Variants in ARHGEF17 observed in about 807,000 individuals in gnomAD.
The protein encoded by ARHGEF17 is 164 kDa Rho-specific guanine-nucleotide exchange factor.
ARHGEF17 carries 80 observed loss-of-function variants against 174.0 expected under a neutral mutation model. The ratio of observed to expected loss-of-function variants is 0.46; its 90% confidence interval spans 0.38 to 0.55. The LOEUF (loss-of-function observed/expected upper bound fraction) is 0.55, where lower values mean the gene tolerates loss of function less well. ARHGEF17 is among the 20% of genes least tolerant of loss of function. The pLI is 0.00. For synonymous variants in ARHGEF17, 1,311 were observed against 1,189.1 expected (o/e 1.10, Z -2.11); for missense variants, 2,886 against 2,839.7 (o/e 1.02, Z -0.37).
chr11:73,308,679 T>C lies in ARHGEF17; in HGVS notation c.41T>C (p.Val14Ala), dbSNP rs779301764. Residue 14 changes from valine (V) to alanine (A), a missense_variant, in exon 1 of 21, where the codon GTC becomes GCC. Transcript: ENST00000263674. ...CCCCGGCCCCAGCTTTACCGCAGCG[T>C]CTCGTTCAAGCTGCTGGAGCGCTGG... ...GAPRPQLYRS[V>A]SFKLLERWSG... 1.3e-6 allele frequency: 2 copies of C among 1,519,704 alleles called. No individual in the cohort carries two copies. Among genetic ancestry groups the C allele is most frequent in the Non-Finnish European group, 1.8e-6 (2 of 1,136,944 alleles). 94.1% of individuals were successfully genotyped at this position (1,519,704 alleles called of 1,614,324 possible).
chr11:73,355,084 A>C (rs1865614248), intron 3 of ARHGEF17, among the ~76,000 whole-genome samples: 1 of 152,172 alleles, frequency 6.6e-6, no homozygotes, highest in Middle Eastern at 3.2e-3. Flanking sequence ...AGGCGGGGCG[A>C]GATTTGGATG....
chr11:73,365,246 G>A lies in ARHGEF17; in HGVS notation c.5551-144G>A. 1.1e-5 allele frequency: 10 copies of A among 882,076 alleles called. No individual in the cohort carries two copies. Among genetic ancestry groups the A allele is most frequent in the Non-Finnish European group, 1.7e-5 (10 of 580,106 alleles). 54.6% of individuals were successfully genotyped at this position (882,076 alleles called of 1,614,324 possible). On this transcript the variant is annotated intron_variant, in intron 18 of 20. Transcript: ENST00000263674. The surrounding 1 kb of genome is among the most constrained non-coding windows in gnomAD (Gnocchi z 4.9). ...GAGAACTAAGTTGGGAGGTGCTGGT[G>A]AAACCAAGCTTCGAAAGGTTAATCA...
intron 1 of ARHGEF17, among the ~76,000 whole-genome samples, chr11:73,318,500 A>C (rs1864964870): frequency 6.6e-6 from 1 of 152,080 alleles, no homozygotes. Flanking sequence ...GTGTGGTGGC[A>C]CAGACCTGTG....
chr11:73,361,932 A>G, intron 12 of ARHGEF17, 108 bp from the exon 13 acceptor site: 1 of 1,305,270 alleles, frequency 7.7e-7, no homozygotes, highest in South Asian at 1.4e-5. Flanking sequence ...ACACACACAC[A>G]CCCATGCAGG....
rs937344369 is a variant in ARHGEF17, at chr11:73,354,369, C to T, written c.3454-1164C>T. Among the ~76,000 whole-genome samples, 5 of 152,350 alleles carry T rather than the reference C, an allele frequency of 3.3e-5. No homozygotes were observed. In the East Asian group the frequency reaches 7.7e-4, roughly 23 times the overall value. On this transcript the variant is annotated intron_variant, in intron 3 of 20. Transcript: ENST00000263674. ...GAGGGTTGTCTTCCTCCCTTTGCTTCTTCACACCCTGCCCTGTTCTGTCCA... is the reference window on the plus strand; with the variant it reads ...GAGGGTTGTCTTCCTCCCTTTGCTTTTTCACACCCTGCCCTGTTCTGTCCA...
chr11:73,326,923 A>G (rs1232043651), intron 1 of ARHGEF17, among the ~76,000 whole-genome samples: 2 of 152,120 alleles, frequency 1.3e-5, no homozygotes, highest in Non-Finnish European at 2.9e-5. Context: ...CTGTTGTGGA[A>G]AGAGGGAAGC....
chr11:73,308,716 C>T lies in ARHGEF17; in HGVS notation c.78C>T (p.Pro26=). 2 of 1,513,968 alleles carry T rather than the reference C, an allele frequency of 1.3e-6. No individual in the cohort carries two copies. Among genetic ancestry groups the T allele is most frequent in the Admixed American group, 2.1e-5 (1 of 47,096 alleles). The allele number at this position is 1,513,968 out of a possible 1,614,324, so 93.8% of individuals were successfully genotyped here. The change falls in exon 1 of 21, where the codon CCC becomes CCT. Residue 26 remains proline, a synonymous_variant. Transcript: ENST00000263674. ...FKLLERWSGG[P]GLREEDTDTP... The stretch of plus-strand genomic sequence containing the variant: ...TGCTGGAGCGCTGGAGCGGCGGCCC[C>T]GGGCTGAGGGAGGAGGACACGGACA...
At chr11:73,349,992 C>T (rs761406154) in intron 2 of ARHGEF17, among the ~76,000 whole-genome samples, 1 of 152,136 alleles carries the variant, frequency 6.6e-6, no homozygotes, top group Non-Finnish European at 1.5e-5. Flanking sequence ...CTGCATGACC[C>T]GGAGCATGTC....
chr11:73,346,790 G>T, intron 1 of ARHGEF17, 93 bp from the exon 2 acceptor site: 1 of 1,004,954 alleles, frequency 1.0e-6, no homozygotes, highest in African/African-American at 1.7e-5. Context: ...CAGGGAGAGG[G>T]TGTGGGCGGG....
At chr11:73,337,799 G>A (rs754981295) in intron 1 of ARHGEF17, among the ~76,000 whole-genome samples, 15 of 152,142 alleles carry the variant, frequency 9.9e-5, no homozygotes, top group Non-Finnish European at 2.2e-4. Context: ...CTCACCAGTT[G>A]TGCAGTCACA....
Position 73,308,488 on chromosome 11 carries a change from A to G in ARHGEF17, c.-151A>G. On this transcript the variant is annotated 5_prime_UTR_variant, in exon 1 of 21. Transcript: ENST00000263674. ...TGGCCACAGAAACTTGAGCCGCGGC[A>G]GAGAAACCTCTGCTCCGGTCTCTGC... The G allele has an allele frequency of 6.0e-6, 4 of 665,564 alleles. No homozygotes were observed. The highest frequency in any genetic ancestry group is 8.7e-6 in the Non-Finnish European group (4 of 461,358). 41.2% of individuals were successfully genotyped at this position (665,564 alleles called of 1,614,324 possible). A position where few individuals can be genotyped will look rare whatever the true frequency, so the allele number is the denominator to read the frequency against.
intron 1 of ARHGEF17, among the ~76,000 whole-genome samples, chr11:73,329,368 TATA>T (rs1565193795): frequency 1.4e-4 from 3 of 21,284 alleles, no homozygotes; most frequent in Admixed American, 4.6e-4. Flanking sequence ...TATATATATA[TATA>T]TATTTTTTTT....
intron 12 of ARHGEF17, 148 bp from the exon 13 acceptor site, chr11:73,361,892 C>A: frequency 1.2e-6 from 1 of 839,804 alleles, no homozygotes; most frequent in Non-Finnish European, 1.8e-6. Flanking sequence ...TGTATGTGTA[C>A]GCGTGTGTAG....
chr11:73,337,169 T>A (rs1865299035), intron 1 of ARHGEF17, among the ~76,000 whole-genome samples: 1 of 152,214 alleles, frequency 6.6e-6, no homozygotes, highest in South Asian at 2.1e-4. Context: ...CTCGCGCCTA[T>A]AATCCCAGCA....
intron 11 of ARHGEF17, among the ~76,000 whole-genome samples, 192 bp from the exon 12 acceptor site, chr11:73,360,896 C>T (rs558917072): frequency 1.3e-5 from 2 of 152,310 alleles, no homozygotes; most frequent in East Asian, 3.9e-4. Context: ...CTGGGTCTAA[C>T]CCCAAGACAA....
At chr11:73,312,132 G>T (rs1272990682) in intron 1 of ARHGEF17, among the ~76,000 whole-genome samples, 1 of 152,178 alleles carries the variant, frequency 6.6e-6, no homozygotes. Context: ...GTTTCTCAGG[G>T]ACTGGTTTTG....
intron 1 of ARHGEF17, among the ~76,000 whole-genome samples, chr11:73,331,188 G>C (rs536736051): frequency 1.1e-3 from 174 of 152,328 alleles, no homozygotes; most frequent in Non-Finnish European, 1.7e-3. Context: ...CTTGGATTGA[G>C]TCCCTGTTCC....
chr11:73,310,663 G>A lies in ARHGEF17; in HGVS notation c.2025G>A (p.Ser675=), dbSNP rs1260591173. The A allele has an allele frequency of 6.2e-7, 1 of 1,613,938 alleles. No homozygotes were observed. The highest frequency in any genetic ancestry group is 8.5e-7 in the Non-Finnish European group (1 of 1,180,018). Residue 675 remains serine, a synonymous_variant, in exon 1 of 21, where the codon TCG becomes TCA. Coordinates refer to ENST00000263674, the MANE Select transcript of ARHGEF17 (RefSeq NM_014786.4). ...TGTGGCGACCTCTTTCCTCATCCTC[G>A]GCCCAGACGAACCACCATGGCCCTG... The part of the protein sequence containing the change: ...TGMWRPLSSS[S]AQTNHHGPGT...
At position 73,356,204 on chromosome 11, in the gene ARHGEF17, C is replaced by T. The variant is rs1565205931; in HGVS notation, c.3693C>T (p.His1231=). 1 of 1,613,916 alleles carries T rather than the reference C, an allele frequency of 6.2e-7. No homozygotes were observed. The highest frequency in any genetic ancestry group is 8.5e-7 in the Non-Finnish European group (1 of 1,180,028). The change falls in exon 6 of 21, where the codon CAC becomes CAT. Residue 1231 remains histidine, a synonymous_variant. Coordinates refer to ENST00000263674, the MANE Select transcript of ARHGEF17 (RefSeq NM_014786.4). ...TCCTGAAGCATACACCTGAGGACCA[C>T]CCGGACCATCCACTCCTGCTGGAGG... ...KDLLKHTPED[H]PDHPLLLEAQ... is the part of the protein sequence containing the mutation.
Sources: gnomAD v4.1 joint callset for allele counts (sites outside exome capture counted in the v4.1 genomes callset) on GRCh38, gnomAD v4.1.1 for gene constraint, Gnocchi (gnomAD v3.1) non-coding constraint, MANE v1.5 for transcripts, NCBI Gene and HGNC (gene_info 2026-07-23, HGNC 2026-07-21) for gene names.